Variants in CALCOCO1 observed in about 807,000 individuals in gnomAD.
The protein encoded by CALCOCO1 is calcium-binding and coiled-coil domain-containing protein 1.
Under a neutral mutation model 86.3 loss-of-function variants are expected in CALCOCO1, and 44 were observed. The ratio of observed to expected loss-of-function variants is 0.51; its 90% CI spans 0.40 to 0.66. The LOEUF (loss-of-function observed/expected upper bound fraction) is 0.66, where lower values mean the gene tolerates loss of function less well. Ranked by LOEUF, CALCOCO1 falls within the 30% of genes least tolerant of loss-of-function variation. The pLI, the probability that CALCOCO1 is intolerant of heterozygous loss-of-function variation, is 0.00. For synonymous variants in CALCOCO1, 297 were observed against 327.6 expected, an observed-to-expected ratio of 0.91 and a Z score of 1.01; for missense variants, 708 against 851.1, an observed-to-expected ratio of 0.83 and a Z score of 2.09.
At chr12:53,724,084 G>A (rs1329213178) in intron 3 of CALCOCO1, 1 of 412,130 alleles carries the variant, frequency 2.4e-6, no homozygotes, top group East Asian at 6.0e-5. Flanking sequence ...AGGCTGGAGT[G>A]CAGTGGCGCG....
intron 6 of CALCOCO1, 101 bp downstream of exon 6, chr12:53,721,366 C>A: frequency 1.9e-6 from 2 of 1,046,564 alleles, no homozygotes; most frequent in Non-Finnish European, 1.4e-6. Context: ...AAAGAGAAAG[C>A]GTGTGAGGCA....
chr12:53,711,771 A>G lies in CALCOCO1; in HGVS notation c.*173T>C. The stretch of plus-strand genomic sequence containing the variant: ...CTGGGACAAAAGAGCCAGGTAGGAG[A>G]GGATGAAGTGAGAAATCTTGGGATG... On this transcript the variant is annotated 3_prime_UTR_variant, in exon 15 of 15. Coordinates refer to ENST00000550804, the MANE Select transcript of CALCOCO1 (RefSeq NM_020898.3). The G allele has an allele frequency of 1.8e-6, 1 of 540,544 alleles. No homozygotes were observed. 33.5% of individuals were successfully genotyped at this position (540,544 alleles called of 1,614,324 possible). A position where few individuals can be genotyped will look rare whatever the true frequency, so the allele number is the denominator to read the frequency against.
At chr12:53,718,011 T>A (rs1041634332) in intron 7 of CALCOCO1, among the ~76,000 whole-genome samples, 2 of 152,130 alleles carry the variant, frequency 1.3e-5, no homozygotes, top group Non-Finnish European at 2.9e-5. Flanking sequence ...GGCAACAAGA[T>A]GAAACTCCGT....
chr12:53,717,104 A>G (rs944773253), intron 7 of CALCOCO1, among the ~76,000 whole-genome samples: 3 of 152,212 alleles, frequency 2.0e-5, no homozygotes, highest in African/African-American at 7.2e-5. Flanking sequence ...TCTGTCGCCA[A>G]GACTGGAGTG....
chr12:53,718,364 C>G (rs1306357228), intron 7 of CALCOCO1, among the ~76,000 whole-genome samples: 1 of 152,184 alleles, frequency 6.6e-6, no homozygotes, highest in Middle Eastern at 3.4e-3. Flanking sequence ...GCTTTCATTA[C>G]CTTTTAAGTA....
At position 53,711,935 on chromosome 12, in the gene CALCOCO1, G is replaced by A. The variant is rs756918810; in HGVS notation, c.*9C>T. The stretch of plus-strand genomic sequence containing the variant: ...GAGTGTGTATTTGTGCATGTACGAG[G>A]GAGTAAGATCACTCAAAGGTGAAGG... On this transcript the variant is annotated 3_prime_UTR_variant, in exon 15 of 15. Transcript: ENST00000550804. The A allele has an allele frequency of 2.6e-6, 4 of 1,550,012 alleles. No homozygotes were observed. The highest frequency in any genetic ancestry group is 3.5e-6 in the Non-Finnish European group (4 of 1,149,020).
At chr12:53,723,150 G>A (rs780740217) in intron 4 of CALCOCO1, among the ~76,000 whole-genome samples, 57 of 152,110 alleles carry the variant, frequency 3.7e-4, no homozygotes, top group African/African-American at 1.1e-3. Flanking sequence ...CATTTGAAGT[G>A]CTCAAGAGCC....
chr12:53,713,454 G>C (rs146772427), intron 13 of CALCOCO1, among the ~76,000 whole-genome samples: 1 of 152,198 alleles, frequency 6.6e-6, no homozygotes, highest in Non-Finnish European at 1.5e-5. Context: ...GCACTGAAGA[G>C]AGGCTGGGCC....
At chr12:53,726,347 G>A (rs1822325480) in intron 1 of CALCOCO1, 1 of 152,180 alleles carries the variant, frequency 6.6e-6, no homozygotes, top group South Asian at 2.1e-4. Context: ...ACAGGATGGG[G>A]TTGAGAGGAA....
Position 53,711,279 on chromosome 12 carries a change from A to C in CALCOCO1, c.*665T>G. ...TCCTCACAGAAGGCACAAATACATT[A>C]TTTCTTTCCATGTGAGGAGATGCGA... On this transcript the variant is annotated 3_prime_UTR_variant, in exon 15 of 15. Coordinates refer to ENST00000550804, the MANE Select transcript of CALCOCO1 (RefSeq NM_020898.3). The C allele has an allele frequency of 2.5e-6, 1 of 398,738 alleles. No homozygotes were observed. Among genetic ancestry groups the C allele is most frequent in the Non-Finnish European group, 4.4e-6 (1 of 225,922 alleles). 24.7% of individuals were successfully genotyped at this position (398,738 alleles called of 1,614,324 possible).
rs757651397 is a variant in CALCOCO1 at position 53,711,012 on chromosome 12, C to T, written c.*932G>A. The T allele has an allele frequency of 1.7e-5, 6 of 359,736 alleles. No individual in the cohort carries two copies. The highest frequency in any genetic ancestry group is 9.3e-5 in the Admixed American group (2 of 21,440). The allele number at this position is 359,736 out of a possible 1,614,324, so 22.3% of individuals were successfully genotyped here. On this transcript the variant is annotated 3_prime_UTR_variant, in exon 15 of 15. Transcript: ENST00000550804. ...CATCCCCTGCCATGAGGCAGGGATG[C>T]GTCCCCTCTTTCCCTCCTCCCTCCA... is the stretch of plus-strand genomic sequence containing the variant.
At position 53,710,037 on chromosome 12, in the gene CALCOCO1, G is replaced by A. The variant is rs1159161089; in HGVS notation, c.*1907C>T. On this transcript the variant is annotated 3_prime_UTR_variant, in exon 15 of 15. Coordinates refer to ENST00000550804, the MANE Select transcript of CALCOCO1 (RefSeq NM_020898.3). ...GGGAAGGTAAAAGGAGGGATGGGGG[G>A]AATCCCAGGCGGGTGATGGATGCCT... 2 of 152,092 alleles carry A rather than the reference G, an allele frequency of 1.3e-5. No homozygotes were observed. Among genetic ancestry groups the A allele is most frequent in the African/African-American group, 4.8e-5 (2 of 41,400 alleles). The allele number at this position is 152,092 out of a possible 1,614,324, so 9.4% of individuals were successfully genotyped here. A position where few individuals can be genotyped will look rare whatever the true frequency, so the allele number is the denominator to read the frequency against.
Position 53,715,861 on chromosome 12 carries a change from C to G in CALCOCO1, c.1192G>C (p.Gly398Arg). The change falls in exon 9 of 15, where the codon GGT becomes CGT. Residue 398 changes from glycine to arginine, a missense_variant. Gly to Arg is a moderately radical substitution (Grantham distance 125). Transcript: ENST00000550804. ...CATTTTTCTTCCTTCAAGTGCAAAC[C>G]GAGCTCAGCCAGCCTGCCGTTAACT... ...AEVNGRLAEL[G>R]LHLKEEKCQW... 1 of 1,614,108 alleles carries G rather than the reference C, an allele frequency of 6.2e-7. No homozygotes were observed. The highest frequency in any genetic ancestry group is 8.5e-7 in the Non-Finnish European group (1 of 1,180,046).
chr12:53,723,435 G>A (rs1178662564), intron 4 of CALCOCO1, 158 bp downstream of exon 4: 3 of 714,722 alleles, frequency 4.2e-6, no homozygotes, highest in Non-Finnish European at 7.2e-6. Flanking sequence ...GTATGTCTAT[G>A]TTAGACTGAG....
At chr12:53,726,214 A>G (rs1565652375) in intron 1 of CALCOCO1, 2 of 152,192 alleles carry the variant, frequency 1.3e-5, no homozygotes, top group Admixed American at 1.3e-4. Flanking sequence ...TTCTCTCCAG[A>G]CTGTGCCTGC....
At chr12:53,721,426 G>A (rs1370339799) in intron 6 of CALCOCO1, 41 bp downstream of exon 6, 3 of 1,548,118 alleles carry the variant, frequency 1.9e-6, no homozygotes, top group Non-Finnish European at 2.6e-6. Flanking sequence ...CGGGGGTCAT[G>A]GAAGGGAGAG....
chr12:53,714,772 A>G, intron 10 of CALCOCO1, 79 bp from the exon 11 acceptor site: 2 of 992,130 alleles, frequency 2.0e-6, no homozygotes, highest in Admixed American at 3.8e-5. Context: ...AGGACCAACA[A>G]TCTAGAACCA....
intron 5 of CALCOCO1, 44 bp downstream of exon 5, chr12:53,721,980 TG>T: frequency 6.2e-7 from 1 of 1,607,836 alleles, no homozygotes. Flanking sequence ...TTTTGGATGC[TG>T]GGTGAGCAGC....
At chr12:53,717,749 C>T (rs1945763308) in intron 7 of CALCOCO1, among the ~76,000 whole-genome samples, 1 of 152,200 alleles carries the variant, frequency 6.6e-6, no homozygotes, top group South Asian at 2.1e-4. Context: ...AGGCCAGGTG[C>T]AGTGGCTCAT....
Sources: allele counts gnomAD v4.1 joint callset (sites outside exome capture counted in the v4.1 genomes callset), GRCh38; gene constraint gnomAD v4.1.1; transcripts MANE v1.5; gene names NCBI Gene and HGNC (gene_info 2026-07-23, HGNC 2026-07-21).